The following TRMT10B variants were observed in gnomAD, a reference collection of about 807,000 sequenced individuals.
TRMT10B encodes tRNA methyltransferase 10B.
In TRMT10B, 33 loss-of-function variants were observed where a neutral mutation model predicts 43.8. That is an observed-to-expected ratio of 0.75 (90% CI 0.57 to 1.01). The LOEUF is 1.01. Among genes scored for constraint, TRMT10B ranks in the 50% least tolerant of loss-of-function variants. TRMT10B has a pLI of 0.00. For synonymous variants in TRMT10B, 137 were observed against 130.6 expected (o/e 1.05, Z -0.34); for missense variants, 362 against 369.8 (o/e 0.98, Z 0.17).
At chr9:37,771,899 A>T (rs1484673695) in intron 7 of TRMT10B, among the ~76,000 whole-genome samples, 3 of 151,248 alleles carry the variant, frequency 2.0e-5, no homozygotes, top group Non-Finnish European at 4.4e-5. Flanking sequence ...CTTTTGAAGC[A>T]GGGCCTTGCT....
rs890378244 is a variant in TRMT10B, at chr9:37,767,678, C to T, written c.421-398C>T. ...GGGTAAAAAGTTAAAACTTCCAACC[C>T]TATTGCATCTCCTGAAGTTAGGAAG... On this transcript the variant is annotated intron_variant, in intron 4 of 8. Transcript: ENST00000297994. Among the ~76,000 whole-genome samples the T allele has an allele frequency of 2.0e-5, 3 of 151,920 alleles. No homozygotes were observed. In the East Asian group the frequency reaches 5.8e-4, roughly 29 times the overall value.
At chr9:37,760,944 CATT>C (rs1490785509) in intron 1 of TRMT10B, among the ~76,000 whole-genome samples, 2 of 152,142 alleles carry the variant, frequency 1.3e-5, no homozygotes, top group African/African-American at 2.4e-5. Context: ...AAATTGACAT[CATT>C]AAGTGTTGTG....
chr9:37,760,398 G>A (rs1280002888), intron 1 of TRMT10B, among the ~76,000 whole-genome samples: 1 of 152,240 alleles, frequency 6.6e-6, no homozygotes, highest in Non-Finnish European at 1.5e-5. Flanking sequence ...GGTGATGCAT[G>A]CCTGTAGTCC....
chr9:37,763,143 C>CAAAAAAAAAAAAAAAA (rs747893643), intron 3 of TRMT10B, among the ~76,000 whole-genome samples: 7 of 50,178 alleles, frequency 1.4e-4, no homozygotes, highest in African/African-American at 2.1e-4. Context: ...GACTCTGTCT[C>CAAAAAAAAAAAAAAAA]AAAAAAAAAA....
At chr9:37,767,056 A>G (rs1367673922) in intron 4 of TRMT10B, 1 of 152,156 alleles carries the variant, frequency 6.6e-6, no homozygotes, top group South Asian at 2.1e-4. Flanking sequence ...ACTGGGCCTT[A>G]ATTTTAGGCC....
chr9:37,765,792 G>A (rs995019869), intron 4 of TRMT10B, among the ~76,000 whole-genome samples: 40 of 152,302 alleles, frequency 2.6e-4, no homozygotes, highest in South Asian at 2.1e-4. Context: ...ACTGGTGTGA[G>A]GTGGTATCTC....
upstream of TRMT10B, among the ~76,000 whole-genome samples, chr9:37,753,319 C>T (rs1825158164): frequency 6.6e-6 from 1 of 152,228 alleles, no homozygotes; most frequent in African/African-American, 2.4e-5. Context: ...TTTAGTTCTA[C>T]AAAGATTCTG....
At chr9:37,764,315 A>T (rs1036885383) in intron 4 of TRMT10B, among the ~76,000 whole-genome samples, 3 of 110,584 alleles carry the variant, frequency 2.7e-5, no homozygotes, top group Non-Finnish European at 3.6e-5. Flanking sequence ...CGCCTGACAA[A>T]TTTTTTTTTT....
rs1826262582 is a variant in TRMT10B, at chr9:37,760,937, TTG to T, written c.-29-965_-29-964del. The stretch of plus-strand genomic sequence containing the variant: ...TCAGATTTTGAACTCCACTTTGAAA[TTG>T]ACATCATTAAGTGTTGTGTAAGAGT... On this transcript the variant is annotated intron_variant, in intron 1 of 8. Coordinates refer to ENST00000297994, the MANE Select transcript of TRMT10B (RefSeq NM_144964.4). Among the ~76,000 whole-genome samples the T allele has an allele frequency of 9.2e-5, 14 of 152,362 alleles. No homozygotes were observed. In the South Asian group the frequency reaches 2.9e-3, roughly 32 times the overall value.
chr9:37,775,058 A>C (rs922879641), intron 7 of TRMT10B, among the ~76,000 whole-genome samples: 6 of 152,246 alleles, frequency 3.9e-5, no homozygotes, highest in African/African-American at 1.4e-4. Flanking sequence ...GAATAGACCT[A>C]GGATGAATGA....
At chr9:37,774,394 A>AGTTTAAATGTTGGTGG (rs1827915556) in intron 7 of TRMT10B, among the ~76,000 whole-genome samples, 1 of 152,222 alleles carries the variant, frequency 6.6e-6, no homozygotes, top group Non-Finnish European at 1.5e-5. Flanking sequence ...TCTGTCCACC[A>AGTTTAAATGTTGGTGG]ACATTTAAAC....
At chr9:37,762,151 A>T (rs1826411136) in intron 2 of TRMT10B, 34 bp downstream of exon 2, 1 of 1,580,696 alleles carries the variant, frequency 6.3e-7, no homozygotes, top group African/African-American at 1.3e-5. Flanking sequence ...ATAGGCCTTG[A>T]ATGATGGAAT....
intron 3 of TRMT10B, among the ~76,000 whole-genome samples, chr9:37,762,930 G>A (rs1193240774): frequency 1.4e-5 from 2 of 146,480 alleles, no homozygotes; most frequent in African/African-American, 5.1e-5. Context: ...TCAGGAGATC[G>A]AGACCGTCCT....
At chr9:37,762,238 T>G (rs891083786) in intron 2 of TRMT10B, 121 bp downstream of exon 2, 116 of 1,172,296 alleles carry the variant, frequency 9.9e-5, no homozygotes, top group Non-Finnish European at 1.1e-4. Context: ...GTATTCTGAG[T>G]GATGAATTTT....
chr9:37,762,664 G>A lies in TRMT10B; in HGVS notation c.274G>A (p.Ala92Thr). 6.3e-7 allele frequency: 1 copy of A among 1,587,448 alleles called. No individual in the cohort carries two copies. Among genetic ancestry groups the A allele is most frequent in the South Asian group, 1.2e-5 (1 of 86,930 alleles). Residue 92 changes from alanine to threonine, a missense_variant, in exon 3 of 9, where the codon GCC becomes ACC. By Grantham distance (58) the Ala-to-Thr change is moderately conservative (BLOSUM62 0). Transcript: ENST00000297994. ...AAAGCAAGAAAAAGAACGAAGAAAA[G>A]CCAATCGTGCAGAAAATCCAGGTGA... ...KRKQEKERRK[A>T]NRAENPGICP...
At chr9:37,776,170 T>C in intron 7 of TRMT10B, 112 bp from the exon 8 acceptor site, 1 of 913,706 alleles carries the variant, frequency 1.1e-6, no homozygotes, top group Non-Finnish European at 1.5e-6. Context: ...TAACTCATTA[T>C]CTGCAGTTTC....
chr9:37,761,909 G>T lies in TRMT10B; in HGVS notation c.-23G>T, dbSNP rs2118763432. 1 of 1,590,874 alleles carries T rather than the reference G, an allele frequency of 6.3e-7. No individual in the cohort carries two copies. Among genetic ancestry groups the T allele is most frequent in the Admixed American group, 1.7e-5 (1 of 58,016 alleles). Reference sequence around the variant, plus strand: ...TAATTGTGCCTTTTTCCAGTCTGGTGGAAAGGACAGAGGACTAAGTCCATG... The same window carrying T: ...TAATTGTGCCTTTTTCCAGTCTGGTTGAAAGGACAGAGGACTAAGTCCATG... On this transcript the variant is annotated 5_prime_UTR_variant, in exon 2 of 9. Coordinates refer to ENST00000297994, the MANE Select transcript of TRMT10B (RefSeq NM_144964.4).
At chr9:37,764,284 G>T (rs932344232) in intron 4 of TRMT10B, among the ~76,000 whole-genome samples, 1 of 150,902 alleles carries the variant, frequency 6.6e-6, no homozygotes, top group African/African-American at 2.4e-5. Context: ...GAGCAGCTGG[G>T]ATTACAGGCG....
intron 1 of TRMT10B, among the ~76,000 whole-genome samples, chr9:37,755,087 G>GGT (rs1163506675): frequency 6.6e-6 from 1 of 151,950 alleles, no homozygotes; most frequent in Non-Finnish European, 1.5e-5. Context: ...TGGCTAAAAT[G>GGT]GTGAAACTCC....
Sources: allele counts gnomAD v4.1 joint callset (sites outside exome capture counted in the v4.1 genomes callset), GRCh38; gene constraint gnomAD v4.1.1; transcripts MANE v1.5; gene names NCBI Gene and HGNC (gene_info 2026-07-23, HGNC 2026-07-21).